Variants in FBN1 observed in about 807,000 individuals in gnomAD.
FBN1 encodes fibrillin-1.
FBN1 carries 29 observed loss-of-function variants against 365.1 expected under a neutral mutation model. The ratio of observed to expected loss-of-function variants is 0.08; its 90% CI spans 0.06 to 0.11. The LOEUF (loss-of-function observed/expected upper bound fraction) is 0.11, where lower values mean the gene tolerates loss of function less well. Ranked by LOEUF, FBN1 falls within the 10% of genes least tolerant of loss-of-function variation. The pLI, the probability that FBN1 is intolerant of heterozygous loss-of-function variation, is 1.00. For synonymous variants in FBN1, 1,210 were observed against 1,270.5 expected (o/e 0.95, Z 1.01); for missense variants, 2,476 against 3,703.2 (o/e 0.67, Z 8.60).
At chr15:48,449,343 T>G (rs1441517136) in intron 45 of FBN1, among the ~76,000 whole-genome samples, 1 of 152,248 alleles carries the variant, frequency 6.6e-6, no homozygotes, top group African/African-American at 2.4e-5. Flanking sequence ...TTTTTCTTGA[T>G]GGACAACCTA....
intron 17 of FBN1, among the ~76,000 whole-genome samples, chr15:48,502,985 G>T (rs2043674048): frequency 6.6e-6 from 1 of 152,018 alleles, no homozygotes; most frequent in Admixed American, 6.6e-5. Flanking sequence ...TTTTCTCTCA[G>T]GTTAAATCAA....
At chr15:48,433,029 G>A (rs748054751) in intron 54 of FBN1, 41 bp from the exon 55 acceptor site, 8 of 1,609,842 alleles carry the variant, frequency 5.0e-6, no homozygotes, top group South Asian at 1.1e-5. Context: ...ATCATGGACA[G>A]CAACAAAAGG....
chr15:48,414,055 C>T (rs1210201201), intron 64 of FBN1, among the ~76,000 whole-genome samples: 1 of 152,194 alleles, frequency 6.6e-6, no homozygotes, highest in Non-Finnish European at 1.5e-5. Context: ...AATTTGCAGG[C>T]TTTGGTTCCT....
In FBN1 at chr15:48,437,055, G is replaced by T; in HGVS notation, c.6402C>A (p.Pro2134=). 6.2e-7 allele frequency: 1 copy of T among 1,612,486 alleles called. No individual in the cohort carries two copies. Among genetic ancestry groups the T allele is most frequent in the Non-Finnish European group, 8.5e-7 (1 of 1,178,756 alleles). The change falls in exon 53 of 66, where the codon CCC becomes CCA. Residue 2134 remains proline (P), a synonymous_variant. Transcript: ENST00000316623. ...TGCACTGTCCATGTTTACAGACATC[G>T]GGTTCTTTGCATTCGTCCATATCTT... ...SAVDMDECKE[P]DVCKHGQCIN... is the part of the protein sequence containing the mutation.
In FBN1 at chr15:48,516,092, AT is replaced by A. The variant is rs2043798097; in HGVS notation, c.1327+90del. On this transcript the variant is annotated intron_variant, in intron 11 of 65. Transcript: ENST00000316623. ...AATTAATATAACAATTTACAAACTT[AT>A]TTAATGACTAAAGTAGCATAAATAA... The A allele has an allele frequency of 5.6e-6, 7 of 1,258,628 alleles. No homozygotes were observed. The Admixed American group carries it at 7.4e-5, about 13-fold the overall frequency. 78.0% of individuals were successfully genotyped at this position (1,258,628 alleles called of 1,614,324 possible).
chr15:48,545,199 G>C, intron 6 of FBN1, among the ~76,000 whole-genome samples: 1 of 151,902 alleles, frequency 6.6e-6, no homozygotes, highest in East Asian at 1.9e-4. Context: ...AAGAGGAAAG[G>C]GTCTTATGAT....
intron 55 of FBN1, among the ~76,000 whole-genome samples, chr15:48,432,521 T>G (rs78129988): frequency 1.3e-4 from 20 of 152,222 alleles, no homozygotes; most frequent in African/African-American, 4.8e-4. Flanking sequence ...CACTGTATTA[T>G]GAGAACGTAT....
chr15:48,423,739 C>T (rs916491219), intron 60 of FBN1, among the ~76,000 whole-genome samples: 1 of 152,174 alleles, frequency 6.6e-6, no homozygotes, highest in African/African-American at 2.4e-5. Context: ...TGGCTTCCTC[C>T]TTCTCAGTGA....
chr15:48,461,482 G>A (rs2043279915), intron 42 of FBN1, among the ~76,000 whole-genome samples: 1 of 152,028 alleles, frequency 6.6e-6, no homozygotes, highest in Non-Finnish European at 1.5e-5. Context: ...TTAATTTTGT[G>A]TACACTTTAT....
At chr15:48,553,158 C>T (rs949993647) in intron 6 of FBN1, among the ~76,000 whole-genome samples, 8 of 152,286 alleles carry the variant, frequency 5.3e-5, no homozygotes, top group Admixed American at 3.9e-4. Flanking sequence ...AGATGACCCT[C>T]TTTCTCTATT....
chr15:48,589,896 G>A (rs918576930), intron 6 of FBN1, among the ~76,000 whole-genome samples: 2 of 152,130 alleles, frequency 1.3e-5, no homozygotes, highest in African/African-American at 2.4e-5. Flanking sequence ...GATTACAGGC[G>A]TGAGCCACCA....
Position 48,421,943 on chromosome 15 carries a change from C to T in FBN1, c.7570+9G>A, listed in dbSNP as rs745370940. ...CAATCCATGTAGGATTTTTTCCTCTCCTACTCACCAATGCAGGACGTATGG... is the reference window on the plus strand; with the variant it reads ...CAATCCATGTAGGATTTTTTCCTCTTCTACTCACCAATGCAGGACGTATGG... On this transcript the variant is annotated intron_variant, in intron 61 of 65. Coordinates refer to ENST00000316623, the MANE Select transcript of FBN1 (RefSeq NM_000138.5). The T allele has an allele frequency of 1.2e-5, 19 of 1,592,456 alleles. No individual in the cohort carries two copies. Among genetic ancestry groups the T allele is most frequent in the Middle Eastern group, 1.7e-4 (1 of 6,036 alleles).
intron 6 of FBN1, among the ~76,000 whole-genome samples, chr15:48,546,139 T>C (rs998827871): frequency 4.6e-5 from 7 of 152,194 alleles, no homozygotes; most frequent in African/African-American, 1.4e-4. Flanking sequence ...CCTTAATGCA[T>C]TCGACAAATA....
At position 48,412,654 on chromosome 15, in the gene FBN1, G is replaced by A. The variant is rs772795413; in HGVS notation, c.8141C>T (p.Ala2714Val). The A allele has an allele frequency of 1.2e-5, 20 of 1,614,124 alleles. No homozygotes were observed. In the African/African-American group the frequency reaches 2.5e-4, roughly 20 times the overall value. The change falls in exon 65 of 66, where the codon GCT (alanine) becomes GTT (valine). Residue 2714 changes from alanine (A) to valine (V), a missense_variant. This residue lies in a region of FBN1 where 177 missense variants were observed against 192.7 expected (regional missense o/e 0.92). Coordinates refer to ENST00000316623, the MANE Select transcript of FBN1 (RefSeq NM_000138.5). The stretch of plus-strand genomic sequence containing the variant: ...GCCATTGATCTTACACTCGTAACAA[G>A]CCTCTGGGGAGAGTGAATTGTCATC... ...EMDDNSLSPE[A>V]CYECKINGYP...
chr15:48,486,788 C>T (rs897918958), intron 29 of FBN1, among the ~76,000 whole-genome samples: 15 of 152,122 alleles, frequency 9.9e-5, no homozygotes, highest in African/African-American at 3.1e-4. Context: ...CCTATCCAAA[C>T]GGCATGGGTC....
chr15:48,428,069 A>G lies in FBN1; in HGVS notation c.6997+277T>C, dbSNP rs143652283. Reference sequence around the variant, plus strand: ...TGCTTACAGACAGAGGGGCAGAGAAACATACGGAAGTGGATCCTGATCACC... The same window carrying G: ...TGCTTACAGACAGAGGGGCAGAGAAGCATACGGAAGTGGATCCTGATCACC... On this transcript the variant is annotated intron_variant, in intron 57 of 65. Transcript: ENST00000316623. The G allele has an allele frequency of 1.9e-3, 1,198 of 643,098 alleles. 11 individuals are homozygous for G. In the African/African-American group the frequency reaches 0.02, roughly 11 times the overall value. The allele number at this position is 643,098 out of a possible 1,614,324, so 39.8% of individuals were successfully genotyped here. A position where few individuals can be genotyped will look rare whatever the true frequency, so the allele number is the denominator to read the frequency against.
intron 2 of FBN1, among the ~76,000 whole-genome samples, chr15:48,632,271 G>A (rs57359329): frequency 0.09 from 13,749 of 152,130 alleles, 1,864 homozygotes; most frequent in African/African-American, 0.29. Flanking sequence ...TGGAGACTGT[G>A]GTATCCAGAT....
chr15:48,525,848 CA>C (rs1194088403), intron 9 of FBN1, among the ~76,000 whole-genome samples: 1 of 152,084 alleles, frequency 6.6e-6, no homozygotes, highest in East Asian at 1.9e-4. Flanking sequence ...GGGATGGCTT[CA>C]AGGTTTAATG....
intron 3 of FBN1, 81 bp from the exon 4 acceptor site, chr15:48,610,907 C>G: frequency 8.3e-7 from 1 of 1,201,218 alleles, no homozygotes; most frequent in Non-Finnish European, 1.2e-6. Context: ...AATGAGGAAA[C>G]CTGGGTTCTC....
Sources: allele counts gnomAD v4.1 joint callset (sites outside exome capture counted in the v4.1 genomes callset), GRCh38; gene constraint gnomAD v4.1.1; regional missense constraint gnomAD v4.1.1; transcripts MANE v1.5; gene names NCBI Gene and HGNC (gene_info 2026-07-23, HGNC 2026-07-21).